ZNF277: variants seen among roughly 807,000 people sequenced by gnomAD.
ZNF277 encodes zinc finger protein 277, also known as nuclear receptor-interacting factor 4.
ZNF277 carries 55 observed loss-of-function variants against 60.7 expected under a neutral mutation model. The observed-to-expected ratio is 0.91, with a 90% confidence interval of 0.73 to 1.13. The LOEUF (loss-of-function observed/expected upper bound fraction) is 1.13, where lower values mean the gene tolerates loss of function less well. Ranked by LOEUF, ZNF277 falls within the 50% of genes most tolerant of loss-of-function variation. The pLI is 0.00. For missense variants in ZNF277, 510 were observed against 523.0 expected (o/e 0.98, Z 0.24); for synonymous variants, 178 against 179.3 (o/e 0.99, Z 0.06).
intron 1 of ZNF277, among the ~76,000 whole-genome samples, chr7:112,250,015 G>T (rs1024711733): frequency 1.3e-5 from 2 of 152,172 alleles, no homozygotes; most frequent in African/African-American, 2.4e-5. Flanking sequence ...AACTCTGACC[G>T]CCGGTGAGCC....
intron 1 of ZNF277, among the ~76,000 whole-genome samples, chr7:112,238,967 G>A (rs997672206): frequency 6.6e-6 from 1 of 151,996 alleles, no homozygotes; most frequent in Non-Finnish European, 1.5e-5. Context: ...CCCACTGCCT[G>A]AAGGAAACAA....
At chr7:112,257,028 G>A (rs1032486258) in intron 1 of ZNF277, among the ~76,000 whole-genome samples, 10 of 152,130 alleles carry the variant, frequency 6.6e-5, no homozygotes, top group Admixed American at 6.6e-4. Flanking sequence ...ATAAAGTTTT[G>A]TATAAGGAGT....
intron 1 of ZNF277, among the ~76,000 whole-genome samples, chr7:112,272,893 A>AT (rs1206216861): frequency 2.0e-5 from 3 of 152,062 alleles, no homozygotes; most frequent in East Asian, 3.9e-4. Flanking sequence ...TTTTCTACAC[A>AT]TTTTCACCAG....
rs779126085 is a variant in ZNF277 at position 112,256,421 on chromosome 7, G to GTTT, written c.92-30428_92-30426dup. Among the ~76,000 whole-genome samples the GTTT allele has an allele frequency of 1.3e-3, 123 of 95,378 alleles. 6 individuals are homozygous for GTTT. Among genetic ancestry groups the GTTT allele is most frequent in the African/African-American group, 2.2e-3 (49 of 22,054 alleles). The allele number at this position is 95,378 out of a possible 152,430, so 62.6% of individuals were successfully genotyped here. A position where few individuals can be genotyped will look rare whatever the true frequency, so the allele number is the denominator to read the frequency against. On this transcript the variant is annotated intron_variant, in intron 1 of 11. Coordinates refer to ENST00000361822, the MANE Select transcript of ZNF277 (RefSeq NM_021994.3). ...AAGTCCATTAATTAACTTCTTTGGA[G>GTTT]TTTTTTTTTTTTTTTTTTTTTTTTT... is the stretch of plus-strand genomic sequence containing the variant.
At chr7:112,250,281 G>C (rs908291892) in intron 1 of ZNF277, among the ~76,000 whole-genome samples, 2 of 152,128 alleles carry the variant, frequency 1.3e-5, no homozygotes, top group African/African-American at 4.8e-5. Context: ...GGTCAGACGG[G>C]TTGATCTCAA....
At chr7:112,281,543 G>A (rs2117053181) in intron 1 of ZNF277, among the ~76,000 whole-genome samples, 1 of 152,248 alleles carries the variant, frequency 6.6e-6, no homozygotes, top group South Asian at 2.1e-4. Context: ...AGAATTCAAT[G>A]TAATTTTTAC....
chr7:112,250,913 G>C (rs1033042878), intron 1 of ZNF277, among the ~76,000 whole-genome samples: 2 of 152,116 alleles, frequency 1.3e-5, no homozygotes, highest in Non-Finnish European at 2.9e-5. Flanking sequence ...CCTTCTTCAA[G>C]TCGGCTGTCA....
chr7:112,236,170 G>A (rs1790780012), intron 1 of ZNF277, among the ~76,000 whole-genome samples: 1 of 152,102 alleles, frequency 6.6e-6, no homozygotes, highest in South Asian at 2.1e-4. Flanking sequence ...TCAGGTAAGT[G>A]TGAGAGCTTT....
At chr7:112,326,078 T>G (rs572478856) in intron 5 of ZNF277, among the ~76,000 whole-genome samples, 10 of 152,186 alleles carry the variant, frequency 6.6e-5, no homozygotes, top group Admixed American at 5.9e-4. Context: ...CGGATTCAGC[T>G]CCCCTGAGTA....
chr7:112,306,212 C>CTTTTT (rs555931160), intron 4 of ZNF277, among the ~76,000 whole-genome samples: 32 of 116,890 alleles, frequency 2.7e-4, no homozygotes, highest in Non-Finnish European at 4.2e-4. Context: ...TCTGAATGTT[C>CTTTTT]TTTTTTTTTT....
chr7:112,259,000 C>G (rs1174269794), intron 1 of ZNF277, among the ~76,000 whole-genome samples: 2 of 151,854 alleles, frequency 1.3e-5, no homozygotes, highest in Admixed American at 1.3e-4. Flanking sequence ...AAATAGTATT[C>G]TCCCTGATAC....
intron 1 of ZNF277, among the ~76,000 whole-genome samples, chr7:112,237,632 CT>C (rs527889084): frequency 2.6e-4 from 39 of 152,126 alleles, no homozygotes; most frequent in African/African-American, 8.9e-4. Flanking sequence ...AACATACAAC[CT>C]CCCAAGATTG....
intron 7 of ZNF277, among the ~76,000 whole-genome samples, chr7:112,332,546 C>T (rs1793249065): frequency 6.6e-6 from 1 of 152,156 alleles, no homozygotes; most frequent in Admixed American, 6.6e-5. Flanking sequence ...CTTGCCTATT[C>T]TCTTTTATAA....
At chr7:112,302,650 ATAT>A (rs1792503420) in intron 4 of ZNF277, among the ~76,000 whole-genome samples, 1 of 152,066 alleles carries the variant, frequency 6.6e-6, no homozygotes, top group Non-Finnish European at 1.5e-5. Flanking sequence ...ATCTAAAACG[ATAT>A]TATTCTGAGT....
At chr7:112,210,630 C>G (rs1203218615) in intron 1 of ZNF277, among the ~76,000 whole-genome samples, 1 of 151,896 alleles carries the variant, frequency 6.6e-6, no homozygotes, top group African/African-American at 2.4e-5. Context: ...TGCCACCATG[C>G]CCAGCTAATT....
intron 7 of ZNF277, among the ~76,000 whole-genome samples, chr7:112,331,175 A>G (rs944216121): frequency 6.6e-6 from 1 of 152,178 alleles, no homozygotes; most frequent in Non-Finnish European, 1.5e-5. Flanking sequence ...TCCAAGAGGC[A>G]TTCAGATGGA....
chr7:112,249,934 A>G (rs1791165604), intron 1 of ZNF277, among the ~76,000 whole-genome samples: 1 of 152,178 alleles, frequency 6.6e-6, no homozygotes, highest in African/African-American at 2.4e-5. Context: ...TTTGAGCAAT[A>G]TGAAATGTGG....
intron 9 of ZNF277, among the ~76,000 whole-genome samples, chr7:112,338,362 T>G (rs1793373717): frequency 6.6e-6 from 1 of 152,030 alleles, no homozygotes; most frequent in African/African-American, 2.4e-5. Context: ...TTCTAAACCT[T>G]TTTCACCCCA....
chr7:112,300,503 C>T (rs1200258580), intron 4 of ZNF277, among the ~76,000 whole-genome samples: 7 of 152,154 alleles, frequency 4.6e-5, no homozygotes, highest in Non-Finnish European at 1.0e-4. Context: ...ATATGTTTCT[C>T]AAGATCTTAT....
Sources: gnomAD v4.1 joint callset for allele counts (sites outside exome capture counted in the v4.1 genomes callset) on GRCh38, gnomAD v4.1.1 for gene constraint, MANE v1.5 for transcripts, NCBI Gene and HGNC (gene_info 2026-07-23, HGNC 2026-07-21) for gene names.